RBM20: variants seen among roughly 807,000 people sequenced by gnomAD.
RBM20 encodes the protein RNA-binding protein 20.
A neutral mutation model predicts 110.1 loss-of-function variants in RBM20; 51 were observed. The ratio of observed to expected loss-of-function variants is 0.46; its 90% CI spans 0.37 to 0.59. The LOEUF (loss-of-function observed/expected upper bound fraction) is 0.59. Ranked by LOEUF, RBM20 falls within the 20% of genes least tolerant of loss-of-function variation. The pLI is 0.00. For missense variants in RBM20, 1,512 were observed against 1,574.9 expected, an observed-to-expected ratio of 0.96 and a Z score of 0.68; for synonymous variants, 589 against 618.2, an observed-to-expected ratio of 0.95 and a Z score of 0.70.
intron 1 of RBM20, among the ~76,000 whole-genome samples, chr10:110,646,439 A>G (rs888398174): frequency 1.3e-5 from 2 of 152,228 alleles, no homozygotes; most frequent in African/African-American, 4.8e-5. Flanking sequence ...CAGCTTTTCA[A>G]AGATGGCCCC....
At chr10:110,735,332 T>C (rs1004625809) in intron 1 of RBM20, among the ~76,000 whole-genome samples, 7 of 152,216 alleles carry the variant, frequency 4.6e-5, no homozygotes, top group Admixed American at 2.0e-4. Flanking sequence ...ACCATAAACA[T>C]GTATCTGCAT....
chr10:110,724,189 C>T (rs939435452), intron 1 of RBM20, among the ~76,000 whole-genome samples: 2 of 152,080 alleles, frequency 1.3e-5, no homozygotes, highest in African/African-American at 2.4e-5. Context: ...GTGCAGAACC[C>T]GTTTGTCTCT....
intron 1 of RBM20, among the ~76,000 whole-genome samples, chr10:110,710,716 A>G (rs369773319): frequency 1.3e-5 from 2 of 152,372 alleles, no homozygotes. Context: ...GCACCCTGGC[A>G]TCCAGTTTTC....
At position 110,644,402 on chromosome 10, in the gene RBM20, A is replaced by G; in HGVS notation, c.-53A>G. On this transcript the variant is annotated 5_prime_UTR_variant, in exon 1 of 14. Coordinates refer to ENST00000369519, the MANE Select transcript of RBM20 (RefSeq NM_001134363.3). The surrounding 1 kb of genome is among the most constrained non-coding windows in gnomAD (Gnocchi z 4.3). ...GGCCAGTGAGCGCCCGTGGCCCGGG[A>G]CCGCCCCTCCCTTGAGCTCTCTCGC... 1 of 1,360,194 alleles carries G rather than the reference A, an allele frequency of 7.4e-7. No individual in the cohort carries two copies. The highest frequency in any genetic ancestry group is 9.5e-7 in the Non-Finnish European group (1 of 1,052,092). The allele number at this position is 1,360,194 out of a possible 1,614,324, so 84.3% of individuals were successfully genotyped here. A position where few individuals can be genotyped will look rare whatever the true frequency, so the allele number is the denominator to read the frequency against.
intron 1 of RBM20, among the ~76,000 whole-genome samples, chr10:110,683,052 T>C (rs1215739327): frequency 6.8e-6 from 1 of 146,378 alleles, no homozygotes; most frequent in East Asian, 1.9e-4. Flanking sequence ...CAATTTTTGA[T>C]TGTGTCATTG....
intron 1 of RBM20, among the ~76,000 whole-genome samples, chr10:110,672,166 C>A (rs1401596274): frequency 1.3e-5 from 2 of 152,192 alleles, no homozygotes; most frequent in African/African-American, 4.8e-5. Flanking sequence ...CCGCGCTTTG[C>A]GTTTCTCCGC....
intron 1 of RBM20, among the ~76,000 whole-genome samples, chr10:110,671,628 A>G (rs1243251232): frequency 6.6e-6 from 1 of 152,200 alleles, no homozygotes; most frequent in Non-Finnish European, 1.5e-5. Flanking sequence ...TGCTCAGAAC[A>G]GTGTCTACCA....
chr10:110,734,527 C>T (rs555189118), intron 1 of RBM20, among the ~76,000 whole-genome samples: 68 of 151,974 alleles, frequency 4.5e-4, no homozygotes, highest in African/African-American at 1.6e-3. Flanking sequence ...TGTTACCTAC[C>T]TTATTAAATC....
chr10:110,808,513 G>A (rs1844723312), intron 7 of RBM20, among the ~76,000 whole-genome samples: 1 of 152,182 alleles, frequency 6.6e-6, no homozygotes, highest in African/African-American at 2.4e-5. Flanking sequence ...TGGACATCCT[G>A]CCCAGTGCTG....
chr10:110,710,400 C>T (rs1862907104), intron 1 of RBM20, among the ~76,000 whole-genome samples: 2 of 152,238 alleles, frequency 1.3e-5, no homozygotes, highest in Non-Finnish European at 2.9e-5. Flanking sequence ...CTATTTAATC[C>T]TCTCAACAGC....
At chr10:110,749,189 T>C (rs898670861) in intron 1 of RBM20, among the ~76,000 whole-genome samples, 7 of 152,184 alleles carry the variant, frequency 4.6e-5, no homozygotes, top group African/African-American at 1.7e-4. Flanking sequence ...GAAAAATAAA[T>C]GAAGCACAAG....
At chr10:110,670,432 A>G (rs1247550956) in intron 1 of RBM20, among the ~76,000 whole-genome samples, 4 of 152,164 alleles carry the variant, frequency 2.6e-5, no homozygotes, top group African/African-American at 7.2e-5. Flanking sequence ...GTTTCTCATG[A>G]CTGGACTGTA....
Position 110,668,241 on chromosome 10 carries a change from C to A in RBM20, c.191+23596C>A, listed in dbSNP as rs147266919. ...AATTCCAGAGCTGTGTCTGGGGCTA[C>A]CTTGGGTGGGGAGGCCAAAAGGGAA... is the stretch of plus-strand genomic sequence containing the variant. On this transcript the variant is annotated intron_variant, in intron 1 of 13. Coordinates refer to ENST00000369519, the MANE Select transcript of RBM20 (RefSeq NM_001134363.3). Among the ~76,000 whole-genome samples the A allele has an allele frequency of 4.0e-3, 365 of 91,434 alleles. 2 individuals are homozygous for A. Among genetic ancestry groups the A allele is most frequent in the African/African-American group, 0.012 (346 of 28,188 alleles). 60.0% of individuals were successfully genotyped at this position (91,434 alleles called of 152,430 possible).
chr10:110,784,270 A>C, intron 3 of RBM20, 71 bp from the exon 4 acceptor site: 2 of 1,176,314 alleles, frequency 1.7e-6, no homozygotes, highest in Non-Finnish European at 2.5e-6. Context: ...TACGAGTGGA[A>C]TTTCTGGGTC....
intron 1 of RBM20, among the ~76,000 whole-genome samples, chr10:110,715,013 C>T (rs776272215): frequency 3.9e-5 from 6 of 152,094 alleles, no homozygotes; most frequent in Admixed American, 1.3e-4. Flanking sequence ...TTTGGGAGGT[C>T]GAGGCAGGCA....
At chr10:110,743,904 CG>C (rs1342061811) in intron 1 of RBM20, among the ~76,000 whole-genome samples, 3 of 152,216 alleles carry the variant, frequency 2.0e-5, no homozygotes, top group Non-Finnish European at 4.4e-5. Context: ...GTGTGAGCCA[CG>C]GTGCCCAGCT....
chr10:110,725,234 A>T (rs1395378559), intron 1 of RBM20, among the ~76,000 whole-genome samples: 1 of 152,196 alleles, frequency 6.6e-6, no homozygotes, highest in African/African-American at 2.4e-5. Flanking sequence ...AGGCTGATGA[A>T]AGCTTTGGAC....
At chr10:110,799,249 A>G (rs1374532700) in intron 6 of RBM20, among the ~76,000 whole-genome samples, 2 of 152,180 alleles carry the variant, frequency 1.3e-5, no homozygotes, top group Non-Finnish European at 2.9e-5. Flanking sequence ...CTCCAGGGAA[A>G]TGTGGGTTAG....
At chr10:110,741,227 T>C (rs553202951) in intron 1 of RBM20, among the ~76,000 whole-genome samples, 9 of 152,310 alleles carry the variant, frequency 5.9e-5, no homozygotes, top group East Asian at 1.9e-4. Flanking sequence ...AAGAAGCACC[T>C]ATGAATAAGC....
Sources: allele counts gnomAD v4.1 joint callset (sites outside exome capture counted in the v4.1 genomes callset), GRCh38; gene constraint gnomAD v4.1.1; non-coding constraint Gnocchi (gnomAD v3.1); transcripts MANE v1.5; gene names NCBI Gene and HGNC (gene_info 2026-07-23, HGNC 2026-07-21).